Variants in ZNF407 observed in about 807,000 individuals in gnomAD.
ZNF407 encodes the protein zinc finger protein 407.
In ZNF407, 17 loss-of-function variants were observed where a neutral mutation model predicts 131.2. That is an observed-to-expected ratio of 0.13 (90% CI 0.09 to 0.19). The LOEUF is 0.19. Ranked by LOEUF, ZNF407 falls within the 10% of genes least tolerant of loss-of-function variation. The pLI, the probability that ZNF407 is intolerant of heterozygous loss-of-function variation, is 1.00. For synonymous variants in ZNF407, 1,156 were observed against 1,062.0 expected (o/e 1.09, Z -1.72); for missense variants, 2,681 against 2,830.6 (o/e 0.95, Z 1.20).
intron 7 of ZNF407, among the ~76,000 whole-genome samples, chr18:74,891,388 T>C (rs1205242858): frequency 6.6e-6 from 1 of 152,248 alleles, no homozygotes; most frequent in African/African-American, 2.4e-5. Flanking sequence ...ATTATGTATG[T>C]TAAGCCTGAA....
chr18:74,789,107 G>A (rs1969776524), intron 4 of ZNF407, among the ~76,000 whole-genome samples: 1 of 152,166 alleles, frequency 6.6e-6, no homozygotes, highest in Admixed American at 6.5e-5. Context: ...TGTCACAGGT[G>A]AGGATAGAGA....
chr18:74,658,833 C>T (rs964660367), intron 3 of ZNF407, among the ~76,000 whole-genome samples: 1 of 152,104 alleles, frequency 6.6e-6, no homozygotes, highest in African/African-American at 2.4e-5. Context: ...CTATGATAGT[C>T]ACTAACTTTG....
At chr18:74,599,086 C>T (rs1982456350) in intron 1 of ZNF407, among the ~76,000 whole-genome samples, 1 of 152,172 alleles carries the variant, frequency 6.6e-6, no homozygotes, top group African/African-American at 2.4e-5. Flanking sequence ...CTAACATATA[C>T]TCATCAGAAC....
intron 4 of ZNF407, among the ~76,000 whole-genome samples, chr18:74,852,134 CTG>C (rs1970793500): frequency 6.6e-6 from 1 of 151,808 alleles, no homozygotes; most frequent in Non-Finnish European, 1.5e-5. Flanking sequence ...TAAAAACATT[CTG>C]TGTTTATCTG....
chr18:74,633,543 G>A lies in ZNF407; in HGVS notation c.2524G>A (p.Gly842Arg), dbSNP rs1984254911. 8 of 1,613,926 alleles carry A rather than the reference G, an allele frequency of 5.0e-6. No individual in the cohort carries two copies. The highest frequency in any genetic ancestry group is 6.8e-6 in the Non-Finnish European group (8 of 1,179,904). Residue 842 changes from glycine (G) to arginine (R), a missense_variant, in exon 2 of 9, where the codon GGG becomes AGG. Physicochemically the swap from Gly to Arg is moderately radical, Grantham distance 125. Coordinates refer to ENST00000299687, the MANE Select transcript of ZNF407 (RefSeq NM_017757.3). ...AGCTTCAACCACTACTCCAAAGAGA[G>A]GGAGACCTAAAGGTAACATCTCACG... is the stretch of plus-strand genomic sequence containing the variant. ...ELASTTTPKR[G>R]RPKGNISRTC...
chr18:74,656,129 C>A (rs559140513), intron 3 of ZNF407, among the ~76,000 whole-genome samples: 7 of 152,090 alleles, frequency 4.6e-5, no homozygotes, highest in African/African-American at 1.7e-4. Context: ...AAATGGGCCA[C>A]AATTGTAACT....
At position 74,634,980 on chromosome 18, in the gene ZNF407, G is replaced by A. The variant is rs763306888; in HGVS notation, c.3961G>A (p.Glu1321Lys). Residue 1321 changes from glutamate (E) to lysine (K), a missense_variant, in exon 2 of 9, where the codon GAG (glutamate) becomes AAG (lysine). Physicochemically the swap from Glu to Lys is moderately conservative, Grantham distance 56. Transcript: ENST00000299687. ...ACAACATGAAACAGAATTTATTTTG[G>A]AGGAGGATGGCCCAGCTTCTGATAG... ...NSQHETEFIL[E>K]EDGPASDSTV... 127 of 1,613,896 alleles carry A rather than the reference G, an allele frequency of 7.9e-5. No homozygotes were observed. Among genetic ancestry groups the A allele is most frequent in the Non-Finnish European group, 1.4e-5 (16 of 1,179,908 alleles).
At chr18:74,921,631 A>G (rs914316395) in intron 8 of ZNF407, among the ~76,000 whole-genome samples, 2 of 152,184 alleles carry the variant, frequency 1.3e-5, no homozygotes, top group Non-Finnish European at 2.9e-5. Flanking sequence ...GCATGATAGT[A>G]CCTACTAATA....
chr18:74,898,649 TTTAA>T (rs1345964411), intron 7 of ZNF407, among the ~76,000 whole-genome samples: 1 of 152,254 alleles, frequency 6.6e-6, no homozygotes, highest in Non-Finnish European at 1.5e-5. Context: ...ATTTTGTATC[TTTAA>T]TATTAGCTAG....
rs377003347 is a variant in ZNF407, at chr18:74,614,546, G to GT, written c.-53-16412dup. Among the ~76,000 whole-genome samples the GT allele has an allele frequency of 1.3e-3, 195 of 150,914 alleles. 1 individual carries two copies. Among genetic ancestry groups the GT allele is most frequent in the Non-Finnish European group, 1.9e-3 (126 of 67,714 alleles). On this transcript the variant is annotated intron_variant, in intron 1 of 8. Transcript: ENST00000299687. ...GTAAATTTGCATTCAGTGGATATTC[G>GT]TTTTTTTTTGAAGAGTTATGAGAGA...
rs1362005407 is a variant in ZNF407, at chr18:74,890,266, A to C, written c.5249+228A>C. Among the ~76,000 whole-genome samples, 2 of 152,006 alleles carry C rather than the reference A, an allele frequency of 1.3e-5. 1 individual carries two copies. Among genetic ancestry groups the C allele is most frequent in the Non-Finnish European group, 2.9e-5 (2 of 67,986 alleles). On this transcript the variant is annotated intron_variant, in intron 7 of 8. Transcript: ENST00000299687. The stretch of plus-strand genomic sequence containing the variant: ...TAGAGAAATGAGTCGTGTATCCCCT[A>C]CCCCACACGTGTAGAGCCTCTTTCG...
intron 8 of ZNF407, among the ~76,000 whole-genome samples, chr18:74,992,049 G>A (rs1333266870): frequency 2.6e-5 from 4 of 152,194 alleles, no homozygotes; most frequent in Non-Finnish European, 5.9e-5. Flanking sequence ...AACTGCCACA[G>A]CCAGTGAGAA....
chr18:74,998,775 T>C (rs1972807250), intron 8 of ZNF407, among the ~76,000 whole-genome samples: 1 of 98,796 alleles, frequency 1.0e-5, no homozygotes, highest in African/African-American at 4.2e-5. Flanking sequence ...TCAACCATTG[T>C]GGAAGTCAGT....
intron 4 of ZNF407, among the ~76,000 whole-genome samples, chr18:74,841,896 C>T (rs1199295096): frequency 6.6e-6 from 1 of 152,170 alleles, no homozygotes. Flanking sequence ...TTATCTCCTA[C>T]GTTTGTACCT....
intron 1 of ZNF407, among the ~76,000 whole-genome samples, chr18:74,609,397 C>T (rs1456145871): frequency 6.6e-6 from 1 of 152,118 alleles, no homozygotes; most frequent in African/African-American, 2.4e-5. Flanking sequence ...AGGCAACAAA[C>T]CCATATAGCA....
intron 8 of ZNF407, among the ~76,000 whole-genome samples, chr18:75,011,137 T>C (rs1404855669): frequency 6.6e-6 from 1 of 152,222 alleles, no homozygotes; most frequent in Non-Finnish European, 1.5e-5. Context: ...GTTTTCATTT[T>C]TCTTACTCGA....
intron 3 of ZNF407, among the ~76,000 whole-genome samples, chr18:74,759,844 T>TA (rs1212984015): frequency 6.6e-6 from 1 of 151,610 alleles, no homozygotes; most frequent in African/African-American, 2.4e-5. Flanking sequence ...CTAGTTGAGT[T>TA]AGTGTTTTTG....
At chr18:74,890,682 C>G (rs1042158160) in intron 7 of ZNF407, among the ~76,000 whole-genome samples, 1 of 152,038 alleles carries the variant, frequency 6.6e-6, no homozygotes, top group Non-Finnish European at 1.5e-5. Flanking sequence ...GAAAGGTTTC[C>G]TGCCTTTAAG....
At chr18:74,831,258 T>C (rs1970479351) in intron 4 of ZNF407, among the ~76,000 whole-genome samples, 1 of 152,256 alleles carries the variant, frequency 6.6e-6, no homozygotes, top group African/African-American at 2.4e-5. Flanking sequence ...ATTTCTATGA[T>C]ACACTGGTTC....
Sources: allele counts gnomAD v4.1 joint callset (sites outside exome capture counted in the v4.1 genomes callset), GRCh38; gene constraint gnomAD v4.1.1; transcripts MANE v1.5; gene names NCBI Gene and HGNC (gene_info 2026-07-23, HGNC 2026-07-21).